VPS54: variants seen among roughly 807,000 people sequenced by gnomAD.
The protein encoded by VPS54 is vacuolar protein sorting-associated protein 54.
Under a neutral mutation model 121.5 loss-of-function variants are expected in VPS54, and 45 were observed. That is an observed-to-expected ratio of 0.37 (90% CI 0.29 to 0.47). VPS54 has a LOEUF of 0.47. VPS54 is among the 20% of genes least tolerant of loss of function. VPS54 has a pLI of 0.99. For synonymous variants in VPS54, 371 were observed against 385.8 expected (o/e 0.96, Z 0.45); for missense variants, 1,090 against 1,131.4 (o/e 0.96, Z 0.52).
chr2:64,015,816 C>T (rs1678660372), intron 1 of VPS54, among the ~76,000 whole-genome samples: 1 of 152,252 alleles, frequency 6.6e-6, no homozygotes, highest in Non-Finnish European at 1.5e-5. Flanking sequence ...ACATTTGCTA[C>T]CCTTCCTTAG....
At position 63,912,435 on chromosome 2, in the gene VPS54, G is replaced by A. The variant is rs758649070; in HGVS notation, c.2545-10C>T. The A allele has an allele frequency of 2.5e-6, 4 of 1,611,956 alleles. No homozygotes were observed. The Admixed American group carries it at 5.0e-5, about 20-fold the overall frequency. On this transcript the variant is annotated splice_polypyrimidine_tract_variant and intron_variant, in intron 19 of 22. Coordinates refer to ENST00000272322, the MANE Select transcript of VPS54 (RefSeq NM_016516.3). ...TGTGATCATGGTAGTCCTGCAATGAGAAATGATAATTGTATTTTTAAGTCC... is the reference window on the plus strand; with the variant it reads ...TGTGATCATGGTAGTCCTGCAATGAAAAATGATAATTGTATTTTTAAGTCC...
At chr2:63,899,443 T>C in intron 21 of VPS54, 31 bp downstream of exon 21, 1 of 1,584,448 alleles carries the variant, frequency 6.3e-7, no homozygotes, top group Non-Finnish European at 8.7e-7. Context: ...ATGTTATATA[T>C]ACATGAATAG....
intron 12 of VPS54, among the ~76,000 whole-genome samples, chr2:63,930,908 T>G (rs150315298): frequency 0.033 from 4,965 of 152,176 alleles, 174 homozygotes; most frequent in African/African-American, 0.096. Context: ...CGAACTCCCA[T>G]TCACAATTGC....
rs1672252918 is a variant in VPS54 at position 63,892,300 on chromosome 2, T to C, written c.*1130A>G. ...ATTATACATAATCACCACAGGATAT[T>C]AGGCACTCTGACAGGGTTAGGCAAG... On this transcript the variant is annotated 3_prime_UTR_variant, in exon 23 of 23. Coordinates refer to ENST00000272322, the MANE Select transcript of VPS54 (RefSeq NM_016516.3). The C allele has an allele frequency of 6.6e-5, 10 of 152,134 alleles. No homozygotes were observed. The highest frequency in any genetic ancestry group is 6.6e-4 in the Admixed American group (10 of 15,258). 9.4% of individuals were successfully genotyped at this position (152,134 alleles called of 1,614,324 possible). A position where few individuals can be genotyped will look rare whatever the true frequency, so the allele number is the denominator to read the frequency against.
Position 63,893,393 on chromosome 2 carries a change from C to A in VPS54, c.*37G>T. ...GATTTTCTTCATAACAAACACATCC[C>A]ATGGTCAGATGAACTACCCAGTTTT... is the stretch of plus-strand genomic sequence containing the variant. On this transcript the variant is annotated 3_prime_UTR_variant, in exon 23 of 23. Coordinates refer to ENST00000272322, the MANE Select transcript of VPS54 (RefSeq NM_016516.3). 1 of 1,540,328 alleles carries A rather than the reference C, an allele frequency of 6.5e-7. No individual in the cohort carries two copies. Among genetic ancestry groups the A allele is most frequent in the South Asian group, 1.1e-5 (1 of 89,472 alleles).
chr2:64,002,429 C>T (rs987502226), intron 1 of VPS54, among the ~76,000 whole-genome samples: 1 of 152,084 alleles, frequency 6.6e-6, no homozygotes, highest in African/African-American at 2.4e-5. Flanking sequence ...CTCTGTACCC[C>T]CAAATCTAAA....
At chr2:63,974,664 T>C (rs1440727467) in intron 3 of VPS54, among the ~76,000 whole-genome samples, 4 of 152,218 alleles carry the variant, frequency 2.6e-5, no homozygotes, top group African/African-American at 9.6e-5. Flanking sequence ...TTTAGATTTA[T>C]ACATAAAGCC....
intron 20 of VPS54, among the ~76,000 whole-genome samples, chr2:63,908,211 C>G (rs1411619402): frequency 6.6e-6 from 1 of 152,058 alleles, no homozygotes; most frequent in Non-Finnish European, 1.5e-5. Flanking sequence ...GCAGTGAATC[C>G]ATACAATGAA....
chr2:63,935,776 G>A (rs1674426399), intron 11 of VPS54, among the ~76,000 whole-genome samples: 1 of 152,126 alleles, frequency 6.6e-6, no homozygotes, highest in Non-Finnish European at 1.5e-5. Flanking sequence ...TGATCACAGT[G>A]ACTGGACATG....
At chr2:63,918,385 G>C (rs1160126992) in intron 15 of VPS54, among the ~76,000 whole-genome samples, 1 of 151,906 alleles carries the variant, frequency 6.6e-6, no homozygotes, top group Non-Finnish European at 1.5e-5. Flanking sequence ...TAGTCATCTA[G>C]CACAGCACCT....
chr2:63,916,065 G>A (rs1673367251), intron 16 of VPS54, among the ~76,000 whole-genome samples: 1 of 152,132 alleles, frequency 6.6e-6, no homozygotes, highest in Non-Finnish European at 1.5e-5. Flanking sequence ...CTAGATATTG[G>A]CAGTTAGACC....
At chr2:63,978,168 T>C (rs750502557) in intron 3 of VPS54, among the ~76,000 whole-genome samples, 18 of 152,224 alleles carry the variant, frequency 1.2e-4, no homozygotes, top group East Asian at 3.8e-4. Context: ...AGGTTTTTTG[T>C]TGTGAGAACG....
At chr2:63,902,347 A>C (rs567922735) in intron 20 of VPS54, among the ~76,000 whole-genome samples, 1 of 152,342 alleles carries the variant, frequency 6.6e-6, no homozygotes, top group African/African-American at 2.4e-5. Context: ...AGGTAGTAGC[A>C]GCCTACTACT....
At chr2:63,995,069 C>T (rs1372174095) in intron 1 of VPS54, among the ~76,000 whole-genome samples, 1 of 152,222 alleles carries the variant, frequency 6.6e-6, no homozygotes, top group South Asian at 2.1e-4. Context: ...GAGTCCAGAA[C>T]ACCCACAACT....
chr2:63,923,498 C>T (rs1313992526), intron 12 of VPS54, among the ~76,000 whole-genome samples: 3 of 151,960 alleles, frequency 2.0e-5, no homozygotes, highest in Non-Finnish European at 2.9e-5. Flanking sequence ...TTCAAAATAG[C>T]CAAGACGTGG....
Position 63,892,410 on chromosome 2 carries a change from T to C in VPS54, c.*1020A>G, listed in dbSNP as rs1379063971. ...TTGAAGGTAGGTATTATAAAAGTCTTTACTTGTCACCTTATTTCTGGCCCC... is the reference window on the plus strand; with the variant it reads ...TTGAAGGTAGGTATTATAAAAGTCTCTACTTGTCACCTTATTTCTGGCCCC... On this transcript the variant is annotated 3_prime_UTR_variant, in exon 23 of 23. Transcript: ENST00000272322. 1 of 152,250 alleles carries C rather than the reference T, an allele frequency of 6.6e-6. No individual in the cohort carries two copies. The highest frequency in any genetic ancestry group is 2.4e-5 in the African/African-American group (1 of 41,436). 9.4% of individuals were successfully genotyped at this position (152,250 alleles called of 1,614,324 possible).
chr2:63,965,372 A>T (rs1001800143), intron 6 of VPS54, among the ~76,000 whole-genome samples: 1 of 152,202 alleles, frequency 6.6e-6, no homozygotes, highest in East Asian at 1.9e-4. Context: ...GCTACTTGGG[A>T]GGATGAGGAA....
intron 1 of VPS54, among the ~76,000 whole-genome samples, chr2:63,993,309 G>C (rs1220588602): frequency 6.6e-6 from 1 of 152,152 alleles, no homozygotes; most frequent in African/African-American, 2.4e-5. Context: ...TTTCTATGCT[G>C]CGGGGAGATT....
intron 6 of VPS54, among the ~76,000 whole-genome samples, chr2:63,962,652 G>A (rs1042612899): frequency 1.3e-5 from 2 of 152,100 alleles, no homozygotes; most frequent in East Asian, 3.9e-4. Context: ...AGACAAAAGA[G>A]TACAAGGTCA....
Sources: gnomAD v4.1 joint callset for allele counts (sites outside exome capture counted in the v4.1 genomes callset) on GRCh38, gnomAD v4.1.1 for gene constraint, MANE v1.5 for transcripts, NCBI Gene and HGNC (gene_info 2026-07-23, HGNC 2026-07-21) for gene names.